Variants in EPC1 observed in about 807,000 individuals in gnomAD.
The protein encoded by EPC1 is enhancer of polycomb homolog 1.
Under a neutral mutation model 98.4 loss-of-function variants are expected in EPC1, and 12 were observed. The ratio of observed to expected loss-of-function variants is 0.12; its 90% CI spans 0.08 to 0.20. The LOEUF is 0.20. Among genes scored for constraint, EPC1 ranks in the 10% least tolerant of loss-of-function variants. EPC1 has a pLI of 1.00. For synonymous variants in EPC1, 357 were observed against 363.9 expected, an observed-to-expected ratio of 0.98 and a Z score of 0.21; for missense variants, 729 against 990.5, an observed-to-expected ratio of 0.74 and a Z score of 3.54.
At chr10:32,299,804 G>A (rs1447891617) in intron 2 of EPC1, among the ~76,000 whole-genome samples, 1 of 152,084 alleles carries the variant, frequency 6.6e-6, no homozygotes, top group African/African-American at 2.4e-5. Flanking sequence ...GTAGTTTGTG[G>A]AGAGAGCTTA....
intron 11 of EPC1, chr10:32,272,878 G>C (rs1424277089): frequency 6.0e-6 from 4 of 665,690 alleles, no homozygotes; most frequent in Non-Finnish European, 1.0e-5. Flanking sequence ...GAATGAACTG[G>C]GTGGGGTTAT....
intron 1 of EPC1, among the ~76,000 whole-genome samples, chr10:32,341,217 T>C (rs74128077): frequency 0.02 from 3,041 of 152,332 alleles, 107 homozygotes; most frequent in African/African-American, 0.069. Context: ...TCCTTAACTT[T>C]TCAAGAAAAT....
intron 1 of EPC1, chr10:32,346,449 C>G (rs1197493818): frequency 6.7e-6 from 2 of 296,796 alleles, no homozygotes; most frequent in East Asian, 1.7e-4. Context: ...AAGGCCCAAC[C>G]CAAGAACTAA....
intron 1 of EPC1, among the ~76,000 whole-genome samples, chr10:32,321,157 C>T (rs1836887468): frequency 6.6e-6 from 1 of 151,994 alleles, no homozygotes; most frequent in Non-Finnish European, 1.5e-5. Context: ...CCAAATCTAG[C>T]CCACCACCTG....
At chr10:32,323,745 T>TAC (rs1301446090) in intron 1 of EPC1, among the ~76,000 whole-genome samples, 1 of 152,184 alleles carries the variant, frequency 6.6e-6, no homozygotes, top group African/African-American at 2.4e-5. Flanking sequence ...GTCCCTAGCA[T>TAC]ACACATATTA....
chr10:32,357,627 T>G (rs1215649090), intron 1 of EPC1, among the ~76,000 whole-genome samples: 1 of 151,950 alleles, frequency 6.6e-6, no homozygotes, highest in Non-Finnish European at 1.5e-5. Context: ...TCTGGATAAT[T>G]TTTTAATTGT....
chr10:32,311,770 C>T (rs1200100717), intron 1 of EPC1, among the ~76,000 whole-genome samples: 1 of 152,064 alleles, frequency 6.6e-6, no homozygotes, highest in Non-Finnish European at 1.5e-5. Flanking sequence ...AATAATAGAA[C>T]AAATATAACA....
intron 1 of EPC1, among the ~76,000 whole-genome samples, chr10:32,330,644 A>C (rs11592754): frequency 0.11 from 17,435 of 152,222 alleles, 1,347 homozygotes; most frequent in South Asian, 0.25. Context: ...AATCTTAGAA[A>C]TCCCAGATTT....
At chr10:32,361,284 C>T (rs1839436402) in intron 1 of EPC1, among the ~76,000 whole-genome samples, 1 of 152,188 alleles carries the variant, frequency 6.6e-6, no homozygotes, top group Non-Finnish European at 1.5e-5. Flanking sequence ...CTATGAGCGT[C>T]AGCTTCCTCC....
At chr10:32,362,462 C>T (rs1389184262) in intron 1 of EPC1, among the ~76,000 whole-genome samples, 1 of 152,100 alleles carries the variant, frequency 6.6e-6, no homozygotes, top group African/African-American at 2.4e-5. Flanking sequence ...CCTCCCCGCT[C>T]CCTGTCTCTC....
intron 1 of EPC1, among the ~76,000 whole-genome samples, chr10:32,336,808 G>A (rs11594963): frequency 0.15 from 23,535 of 152,196 alleles, 2,100 homozygotes; most frequent in South Asian, 0.33. Flanking sequence ...ATGGATCCAG[G>A]AGAGACATAA....
chr10:32,351,710 T>C (rs974960138), upstream of EPC1, among the ~76,000 whole-genome samples: 4 of 150,514 alleles, frequency 2.7e-5, no homozygotes, highest in African/African-American at 1.0e-4. Flanking sequence ...TTTTTATTCA[T>C]TCTTTTGATT....
At chr10:32,343,758 G>C (rs113896662) in intron 1 of EPC1, among the ~76,000 whole-genome samples, 11 of 151,424 alleles carry the variant, frequency 7.3e-5, no homozygotes, top group Non-Finnish European at 1.6e-4. Flanking sequence ...CGTTAGGCCC[G>C]TGTGTGCAGC....
chr10:32,290,752 T>G (rs1156922348), intron 6 of EPC1, among the ~76,000 whole-genome samples: 1 of 151,596 alleles, frequency 6.6e-6, no homozygotes, highest in African/African-American at 2.4e-5. Context: ...TACATTAAGG[T>G]GGGGTATATA....
chr10:32,278,948 A>T (rs556961319), intron 10 of EPC1, among the ~76,000 whole-genome samples: 1 of 152,218 alleles, frequency 6.6e-6, no homozygotes, highest in African/African-American at 2.4e-5. Context: ...CTTAGTGTGA[A>T]TATTCTTGCA....
At chr10:32,290,413 G>A (rs1251182338) in intron 6 of EPC1, among the ~76,000 whole-genome samples, 1 of 149,540 alleles carries the variant, frequency 6.7e-6, no homozygotes. Context: ...TTAAACTCGG[G>A]AGGTGGAGGT....
At chr10:32,324,219 GAGCC>G (rs1475585925) in intron 1 of EPC1, among the ~76,000 whole-genome samples, 1 of 151,820 alleles carries the variant, frequency 6.6e-6, no homozygotes, top group Non-Finnish European at 1.5e-5. Context: ...TTACAGGCGT[GAGCC>G]ACTGCGCCCG....
At chr10:32,273,440 C>T (rs1274750146) in intron 10 of EPC1, among the ~76,000 whole-genome samples, 159 bp from the exon 11 acceptor site, 1 of 152,012 alleles carries the variant, frequency 6.6e-6, no homozygotes, top group African/African-American at 2.4e-5. Context: ...AAAATTTCTG[C>T]GTTTCTGCTA....
At chr10:32,340,838 A>C (rs75556654) in intron 1 of EPC1, among the ~76,000 whole-genome samples, 4,857 of 151,826 alleles carry the variant, frequency 0.032, 224 homozygotes, top group African/African-American at 0.11. Context: ...TCAAAAAAAA[A>C]CCCGCAATTC....
Sources: allele counts gnomAD v4.1 joint callset (sites outside exome capture counted in the v4.1 genomes callset), GRCh38; gene constraint gnomAD v4.1.1; transcripts MANE v1.5; gene names NCBI Gene and HGNC (gene_info 2026-07-23, HGNC 2026-07-21).